The following GATAD2A variants were observed in gnomAD, a reference collection of about 807,000 sequenced individuals.
The protein encoded by GATAD2A is transcriptional repressor p66-alpha.
A neutral mutation model predicts 68.5 loss-of-function variants in GATAD2A; 12 were observed. That is an observed-to-expected ratio of 0.18 (90% confidence interval 0.11 to 0.28). The LOEUF is 0.28. Among genes scored for constraint, GATAD2A ranks in the 10% least tolerant of loss-of-function variants. The pLI, the probability that GATAD2A is intolerant of heterozygous loss-of-function variation, is 1.00. For missense variants in GATAD2A, 755 were observed against 868.5 expected, an observed-to-expected ratio of 0.87 and a Z score of 1.64; for synonymous variants, 410 against 375.3, an observed-to-expected ratio of 1.09 and a Z score of -1.07.
At chr19:19,452,601 G>C (rs1014649802) in intron 1 of GATAD2A, among the ~76,000 whole-genome samples, 2 of 151,814 alleles carry the variant, frequency 1.3e-5, no homozygotes, top group African/African-American at 4.8e-5. Context: ...GTGAAGTGAC[G>C]TGCAGAATTG....
In GATAD2A at chr19:19,487,615, G is replaced by A. The variant is rs184496453; in HGVS notation, c.270-4691G>A. Among the ~76,000 whole-genome samples the A allele has an allele frequency of 6.9e-3, 1,048 of 152,168 alleles. 11 individuals are homozygous for A. The highest frequency in any genetic ancestry group is 0.025 in the African/African-American group (1,019 of 41,458). Reference sequence around the variant, plus strand: ...CCTGCACTCCCCCGAGTGGAACCCCGAGTTCTGCCATGACCTTCACCCCGA... The same window carrying A: ...CCTGCACTCCCCCGAGTGGAACCCCAAGTTCTGCCATGACCTTCACCCCGA... On this transcript the variant is annotated intron_variant, in intron 2 of 11. Transcript: ENST00000683918.
chr19:19,467,567 A>G (rs79044428), intron 2 of GATAD2A, among the ~76,000 whole-genome samples: 3,005 of 152,182 alleles, frequency 0.02, 34 homozygotes, highest in Middle Eastern at 0.041. Flanking sequence ...ATTTACCCAT[A>G]TTGTTGTGCA....
chr19:19,393,358 T>C (rs17288409), intron 1 of GATAD2A, among the ~76,000 whole-genome samples: 29,223 of 152,110 alleles, frequency 0.19, 3,034 homozygotes, highest in South Asian at 0.35. Context: ...TTTACTTGTG[T>C]GGCCATAAGA....
upstream of GATAD2A, chr19:19,402,715 T>G (rs1056723911): frequency 6.8e-6 from 1 of 148,014 alleles, no homozygotes; most frequent in African/African-American, 2.5e-5. Context: ...AAAAAGAAAG[T>G]ACAGTATTAA....
chr19:19,467,578 T>C (rs1291397085), intron 2 of GATAD2A, among the ~76,000 whole-genome samples: 3 of 152,226 alleles, frequency 2.0e-5, no homozygotes, highest in Admixed American at 1.3e-4. Flanking sequence ...TTGTTGTGCA[T>C]ACCAGTAGTT....
intron 1 of GATAD2A, among the ~76,000 whole-genome samples, chr19:19,411,193 A>G (rs1479637359): frequency 1.3e-5 from 2 of 152,242 alleles, no homozygotes; most frequent in Non-Finnish European, 2.9e-5. Context: ...TACTTGCCAT[A>G]GTCACCTTGC....
chr19:19,417,969 A>T (rs1053794831), intron 1 of GATAD2A, among the ~76,000 whole-genome samples: 3 of 151,954 alleles, frequency 2.0e-5, no homozygotes, highest in African/African-American at 7.3e-5. Context: ...CTCGTGGGGG[A>T]AACAGGGCAG....
chr19:19,450,276 A>G lies in GATAD2A; in HGVS notation c.-6-15064A>G, dbSNP rs147867704. 2.3e-4 allele frequency among the ~76,000 whole-genome samples: 35 copies of G among 152,318 alleles called. No homozygotes were observed. In the East Asian group the frequency reaches 6.7e-3, roughly 29 times the overall value. The stretch of plus-strand genomic sequence containing the variant: ...AAGGGACCCTGCCATTCAGCAGCAC[A>G]GTGCTGGGCACACCTGGGTTGTCAC... On this transcript the variant is annotated intron_variant, in intron 1 of 11. Coordinates refer to ENST00000683918, the MANE Select transcript of GATAD2A (RefSeq NM_001384528.1).
At chr19:19,412,412 C>T (rs1293484669) in intron 1 of GATAD2A, among the ~76,000 whole-genome samples, 13 of 151,988 alleles carry the variant, frequency 8.6e-5, no homozygotes, top group Middle Eastern at 3.2e-3. Context: ...GCCTCGGCCT[C>T]CCAAAGTGCT....
intron 1 of GATAD2A, among the ~76,000 whole-genome samples, chr19:19,416,640 G>C (rs1360230026): frequency 1.3e-5 from 2 of 152,120 alleles, no homozygotes; most frequent in Non-Finnish European, 2.9e-5. Flanking sequence ...GCTCTACTCT[G>C]TTGCCTTGGT....
rs1027850814 is a variant in GATAD2A, at chr19:19,507,948, G to A, written c.*2474G>A. ...GAAGGCATTATTAAGTACCTCTCTG[G>A]GTGTGGGGTTTGGACGCACCAGGAT... On this transcript the variant is annotated 3_prime_UTR_variant, in exon 12 of 12. Coordinates refer to ENST00000683918, the MANE Select transcript of GATAD2A (RefSeq NM_001384528.1). 22 of 152,160 alleles carry A rather than the reference G, an allele frequency of 1.4e-4. No homozygotes were observed. Among genetic ancestry groups the A allele is most frequent in the African/African-American group, 5.3e-4 (22 of 41,408 alleles). The allele number at this position is 152,160 out of a possible 1,614,324, so 9.4% of individuals were successfully genotyped here. A position where few individuals can be genotyped will look rare whatever the true frequency, so the allele number is the denominator to read the frequency against.
chr19:19,402,760 TG>T (rs1320653354), upstream of GATAD2A, among the ~76,000 whole-genome samples: 12 of 150,326 alleles, frequency 8.0e-5, no homozygotes, highest in South Asian at 6.4e-4. Context: ...TTTTTTTTTT[TG>T]TTTTTGTTTT....
intron 1 of GATAD2A, among the ~76,000 whole-genome samples, chr19:19,450,186 C>G (rs1315091784): frequency 6.6e-6 from 1 of 152,188 alleles, no homozygotes; most frequent in African/African-American, 2.4e-5. Flanking sequence ...AGATTCCGCC[C>G]ACTGTTTGGT....
Position 19,505,330 on chromosome 19 carries a change from C to G in GATAD2A, c.1775-14C>G. The G allele has an allele frequency of 3.7e-6, 6 of 1,612,238 alleles. No homozygotes were observed. Among genetic ancestry groups the G allele is most frequent in the Non-Finnish European group, 4.2e-6 (5 of 1,179,266 alleles). On this transcript the variant is annotated splice_polypyrimidine_tract_variant and intron_variant, in intron 11 of 11. Transcript: ENST00000683918. Reference sequence around the variant, plus strand: ...ACGAGGGCCTTCTCAGCTGGTCGCTCTGTTCTGTTGCAGGCGGGACCCTTG... The same window carrying G: ...ACGAGGGCCTTCTCAGCTGGTCGCTGTGTTCTGTTGCAGGCGGGACCCTTG...
chr19:19,392,938 G>A (rs1261596615), intron 1 of GATAD2A, among the ~76,000 whole-genome samples: 3 of 151,784 alleles, frequency 2.0e-5, no homozygotes. Context: ...CTTATGAACT[G>A]CCTGCCTCGG....
chr19:19,461,926 C>A (rs2057464307), intron 1 of GATAD2A, among the ~76,000 whole-genome samples: 1 of 152,216 alleles, frequency 6.6e-6, no homozygotes, highest in Non-Finnish European at 1.5e-5. Context: ...GGCAGAGGAT[C>A]TCAGCCCCCA....
chr19:19,423,422 G>C lies in GATAD2A; in HGVS notation c.-7+17403G>C, dbSNP rs557046771. 3.3e-5 allele frequency among the ~76,000 whole-genome samples: 5 copies of C among 152,366 alleles called. No individual in the cohort carries two copies. The South Asian group carries it at 1.0e-3, about 32-fold the overall frequency. ...ATTTCAGTCATCACATGATTTTTGT[G>C]ATGGCTGTGGTGCGTCATCAGTTTG... is the stretch of plus-strand genomic sequence containing the variant. On this transcript the variant is annotated intron_variant, in intron 1 of 11. Transcript: ENST00000683918.
intron 1 of GATAD2A, among the ~76,000 whole-genome samples, chr19:19,437,594 T>G (rs2054515201): frequency 6.6e-6 from 1 of 152,110 alleles, no homozygotes; most frequent in Non-Finnish European, 1.5e-5. Flanking sequence ...ACTCCTCATC[T>G]CCCCCTCCCC....
At chr19:19,445,556 A>C (rs1215378934) in intron 1 of GATAD2A, among the ~76,000 whole-genome samples, 2 of 152,182 alleles carry the variant, frequency 1.3e-5, no homozygotes. Context: ...CCTTGTCCCC[A>C]TTAGCAGTCA....
Sources: gnomAD v4.1 joint callset for allele counts (sites outside exome capture counted in the v4.1 genomes callset) on GRCh38, gnomAD v4.1.1 for gene constraint, MANE v1.5 for transcripts, NCBI Gene and HGNC (gene_info 2026-07-23, HGNC 2026-07-21) for gene names.